SDK1: variants seen among roughly 807,000 people sequenced by gnomAD.
SDK1 encodes sidekick cell adhesion molecule 1, also known as protein sidekick-1.
Under a neutral mutation model 245.5 loss-of-function variants are expected in SDK1, and 157 were observed. That is an observed-to-expected ratio of 0.64 (90% CI 0.56 to 0.73). The LOEUF is 0.73. Ranked by LOEUF, SDK1 falls within the 30% of genes least tolerant of loss-of-function variation. SDK1 has a pLI of 0.00. For missense variants in SDK1, 3,583 were observed against 3,002.3 expected (o/e 1.19, Z -4.52); for synonymous variants, 1,647 against 1,278.5 (o/e 1.29, Z -6.15).
intron 1 of SDK1, among the ~76,000 whole-genome samples, chr7:3,592,262 A>G (rs1485481771): frequency 6.6e-6 from 1 of 152,200 alleles, no homozygotes; most frequent in Non-Finnish European, 1.5e-5. Flanking sequence ...TCAGCTATCT[A>G]TCGTAAAAGA....
intron 35 of SDK1, among the ~76,000 whole-genome samples, chr7:4,193,072 A>G (rs929297715): frequency 6.5e-5 from 9 of 138,976 alleles, no homozygotes; most frequent in African/African-American, 1.9e-4. Context: ...ATTATAATAT[A>G]TAATATATAA....
chr7:3,704,655 T>A (rs1308359778), intron 4 of SDK1, among the ~76,000 whole-genome samples: 1 of 152,198 alleles, frequency 6.6e-6, no homozygotes, highest in East Asian at 1.9e-4. Flanking sequence ...TTACTCTTGA[T>A]GATTGTTTCT....
intron 14 of SDK1, among the ~76,000 whole-genome samples, chr7:3,992,897 C>T (rs890549747): frequency 3.9e-5 from 6 of 152,090 alleles, no homozygotes; most frequent in African/African-American, 1.2e-4. Flanking sequence ...AAATTTTATC[C>T]TGTAGAATAT....
intron 1 of SDK1, among the ~76,000 whole-genome samples, chr7:3,458,666 A>G (rs560819665): frequency 1.3e-5 from 2 of 152,170 alleles, no homozygotes; most frequent in East Asian, 1.9e-4. Flanking sequence ...GTCATGATTT[A>G]TTGTTTTCTA....
intron 4 of SDK1, among the ~76,000 whole-genome samples, chr7:3,766,943 G>T (rs1780271703): frequency 2.0e-5 from 3 of 152,204 alleles, no homozygotes; most frequent in Admixed American, 2.0e-4. Context: ...CACAAGAGAA[G>T]TAGCAATGTT....
At chr7:3,923,969 G>A (rs528312506) in intron 5 of SDK1, among the ~76,000 whole-genome samples, 4 of 152,288 alleles carry the variant, frequency 2.6e-5, no homozygotes, top group East Asian at 3.9e-4. Flanking sequence ...GTGGGTGGTC[G>A]TGATTTTGAT....
intron 1 of SDK1, among the ~76,000 whole-genome samples, chr7:3,434,945 G>A (rs1327513590): frequency 3.3e-5 from 5 of 152,090 alleles, no homozygotes; most frequent in Non-Finnish European, 5.9e-5. Context: ...GTTTTCTAGA[G>A]GAAAGATGAT....
chr7:3,767,342 G>A (rs911954786), intron 4 of SDK1, among the ~76,000 whole-genome samples: 3 of 152,254 alleles, frequency 2.0e-5, no homozygotes, highest in African/African-American at 7.2e-5. Flanking sequence ...ATTGAGCAAA[G>A]CAGCCTGGGA....
intron 1 of SDK1, among the ~76,000 whole-genome samples, chr7:3,465,017 A>G (rs74394173): frequency 9.6e-4 from 146 of 152,296 alleles, no homozygotes; most frequent in African/African-American, 3.4e-3. Flanking sequence ...GGAACCACAG[A>G]GGAAGACTTT....
At chr7:3,812,430 C>T (rs1487647205) in intron 4 of SDK1, among the ~76,000 whole-genome samples, 2 of 152,060 alleles carry the variant, frequency 1.3e-5, no homozygotes, top group South Asian at 2.1e-4. Context: ...GAAATTCCAC[C>T]CTGCAACTTA....
chr7:3,935,580 T>G (rs939561195), intron 5 of SDK1, among the ~76,000 whole-genome samples: 2 of 152,164 alleles, frequency 1.3e-5, no homozygotes, highest in Non-Finnish European at 2.9e-5. Flanking sequence ...GGAATAGGCA[T>G]TTCTCCAAAG....
At chr7:3,337,008 G>T (rs1430847132) in intron 1 of SDK1, among the ~76,000 whole-genome samples, 9 of 151,564 alleles carry the variant, frequency 5.9e-5, no homozygotes, top group African/African-American at 2.2e-4. Context: ...AAACATATAG[G>T]ATACAATTCA....
Position 4,158,486 on chromosome 7 carries a change from C to T in SDK1, c.4664C>T (p.Ala1555Val). The part of the protein sequence containing the change: ...PFTSYKLRLK[A>V]TNDIGDSDFS... ...ACCTCCTACAAGCTGCGCCTGAAAG[C>T]CACCAACGACATTGGGGACAGTGAC... is the stretch of plus-strand genomic sequence containing the variant. The change falls in exon 31 of 45, where the codon GCC (alanine) becomes GTC (valine). Residue 1555 changes from alanine to valine, a missense_variant. Coordinates refer to ENST00000404826, the MANE Select transcript of SDK1 (RefSeq NM_152744.4). The T allele has an allele frequency of 6.2e-7, 1 of 1,613,798 alleles. No individual in the cohort carries two copies. The highest frequency in any genetic ancestry group is 8.5e-7 in the Non-Finnish European group (1 of 1,179,986).
intron 44 of SDK1, among the ~76,000 whole-genome samples, chr7:4,248,765 C>T (rs1477867875): frequency 1.3e-5 from 2 of 152,070 alleles, no homozygotes; most frequent in African/African-American, 2.4e-5. Context: ...CATGTGCACA[C>T]ATACATCATA....
In SDK1 at chr7:4,266,077, C is replaced by G; in HGVS notation, c.*693C>G. ...CAGGCTTTTCTGCCTGTCTTTCCCC[C>G]TTCCTTCTCACCTGACAGCGAGGGA... On this transcript the variant is annotated 3_prime_UTR_variant, in exon 45 of 45. Transcript: ENST00000404826. The G allele has an allele frequency of 1.8e-5, 18 of 985,502 alleles. No homozygotes were observed. Among genetic ancestry groups the G allele is most frequent in the Non-Finnish European group, 2.2e-5 (18 of 829,980 alleles). The allele number at this position is 985,502 out of a possible 1,614,324, so 61.0% of individuals were successfully genotyped here. A position where few individuals can be genotyped will look rare whatever the true frequency, so the allele number is the denominator to read the frequency against.
intron 1 of SDK1, among the ~76,000 whole-genome samples, chr7:3,554,154 C>G (rs1377959223): frequency 1.3e-5 from 2 of 152,192 alleles, no homozygotes; most frequent in African/African-American, 4.8e-5. Context: ...CCACAGAATA[C>G]ATAGTCTTCC....
At chr7:3,656,767 G>T (rs1376595652) in intron 4 of SDK1, among the ~76,000 whole-genome samples, 1 of 147,286 alleles carries the variant, frequency 6.8e-6, no homozygotes, top group Non-Finnish European at 1.5e-5. Flanking sequence ...TTGAGACGGA[G>T]TCTCGCTCTG....
chr7:3,840,535 A>G (rs1266119952), intron 5 of SDK1, among the ~76,000 whole-genome samples: 1 of 152,166 alleles, frequency 6.6e-6, no homozygotes, highest in Non-Finnish European at 1.5e-5. Context: ...TTAGAAATGC[A>G]GAATTTGGGG....
intron 1 of SDK1, among the ~76,000 whole-genome samples, chr7:3,599,115 T>C (rs763638773): frequency 0.013 from 1,231 of 96,860 alleles, 7 homozygotes; most frequent in Non-Finnish European, 0.02. Context: ...TTTTTTTTTT[T>C]ACATCCTCAC....
Sources: gnomAD v4.1 joint callset for allele counts (sites outside exome capture counted in the v4.1 genomes callset) on GRCh38, gnomAD v4.1.1 for gene constraint, MANE v1.5 for transcripts, NCBI Gene and HGNC (gene_info 2026-07-23, HGNC 2026-07-21) for gene names.